Variants in CTNNA2 observed in about 807,000 individuals in gnomAD.
CTNNA2 encodes catenin alpha-2.
Under a neutral mutation model 101.0 loss-of-function variants are expected in CTNNA2, and 42 were observed. The ratio of observed to expected loss-of-function variants is 0.42; its 90% CI spans 0.32 to 0.54. CTNNA2 has a LOEUF of 0.54. Among genes scored for constraint, CTNNA2 ranks in the 20% least tolerant of loss-of-function variants. The pLI, the probability that CTNNA2 is intolerant of heterozygous loss-of-function variation, is 0.14. For synonymous variants in CTNNA2, 450 were observed against 456.4 expected (o/e 0.99, Z 0.18); for missense variants, 871 against 1,223.1 (o/e 0.71, Z 4.29).
intron 4 of CTNNA2, among the ~76,000 whole-genome samples, chr2:79,464,458 C>A (rs1670912440): frequency 6.6e-6 from 1 of 152,174 alleles, no homozygotes; most frequent in Non-Finnish European, 1.5e-5. Context: ...GGGCATGTAT[C>A]TTTATAGCAG....
At chr2:79,516,472 G>A (rs1671813727) in intron 1 of CTNNA2, among the ~76,000 whole-genome samples, 5 of 152,280 alleles carry the variant, frequency 3.3e-5, no homozygotes, top group Admixed American at 3.3e-4. Flanking sequence ...CAAAAGCAGA[G>A]AGGGAGGAAA....
intron 9 of CTNNA2, among the ~76,000 whole-genome samples, chr2:80,486,496 T>C (rs996739121): frequency 5.9e-5 from 9 of 152,162 alleles, no homozygotes; most frequent in African/African-American, 2.2e-4. Context: ...AAAAATTCAA[T>C]AATGAGAAAA....
intron 4 of CTNNA2, among the ~76,000 whole-genome samples, chr2:79,398,079 T>C (rs1678251611): frequency 6.6e-6 from 1 of 152,158 alleles, no homozygotes; most frequent in Non-Finnish European, 1.5e-5. Flanking sequence ...CAGTCTTTTA[T>C]CCCAATTAAT....
chr2:80,069,294 C>G (rs528037902), intron 7 of CTNNA2, among the ~76,000 whole-genome samples: 1 of 152,248 alleles, frequency 6.6e-6, no homozygotes, highest in African/African-American at 2.4e-5. Context: ...CTAATCTATT[C>G]CGGAACACCG....
chr2:80,189,060 C>T (rs1573342150), intron 7 of CTNNA2, among the ~76,000 whole-genome samples: 1 of 147,206 alleles, frequency 6.8e-6, no homozygotes, highest in South Asian at 2.2e-4. Flanking sequence ...TTAAGCACTT[C>T]TCCTGCCTCA....
chr2:79,520,681 C>T (rs1042334322), intron 1 of CTNNA2, among the ~76,000 whole-genome samples: 31 of 152,096 alleles, frequency 2.0e-4, no homozygotes, highest in African/African-American at 7.5e-4. Flanking sequence ...AAAATATGTG[C>T]TGAGATATTT....
intron 6 of CTNNA2, among the ~76,000 whole-genome samples, chr2:79,903,140 T>C (rs1220603757): frequency 6.6e-6 from 1 of 152,210 alleles, no homozygotes; most frequent in African/African-American, 2.4e-5. Flanking sequence ...TTATTGGTGT[T>C]GTTAGTGTTA....
chr2:80,050,105 A>C (rs1240712709), intron 7 of CTNNA2, among the ~76,000 whole-genome samples: 1 of 152,102 alleles, frequency 6.6e-6, no homozygotes, highest in Non-Finnish European at 1.5e-5. Context: ...GATGCTGCCC[A>C]TTCGAGTTAC....
intron 1 of CTNNA2, among the ~76,000 whole-genome samples, chr2:79,616,475 C>G (rs1308656347): frequency 3.9e-5 from 6 of 152,080 alleles, no homozygotes. Flanking sequence ...CTTATCACAG[C>G]AAGCATATAT....
At position 79,228,689 on chromosome 2, in the gene CTNNA2, T is replaced by G. The variant is rs183298106; in HGVS notation, c.-406+30613T>G. ...CATAGTTTGCAAATATTTTCTCCCA[T>G]TCTGCAGGCTGTCTGTTTACTCTGT... On this transcript the variant is annotated intron_variant, in intron 2 of 21. Coordinates refer to the CTNNA2 transcript ENST00000466387. Among the ~76,000 whole-genome samples the G allele has an allele frequency of 3.3e-5, 5 of 152,316 alleles. No homozygotes were observed. In the East Asian group the frequency reaches 9.6e-4, roughly 29 times the overall value.
intron 9 of CTNNA2, among the ~76,000 whole-genome samples, chr2:80,518,558 G>A (rs1689279857): frequency 6.6e-6 from 1 of 152,126 alleles, no homozygotes; most frequent in South Asian, 2.1e-4. Context: ...TCTGCTTCCT[G>A]GTTGCCTGTG....
At chr2:80,430,528 A>G (rs190550941) in intron 9 of CTNNA2, among the ~76,000 whole-genome samples, 1 of 152,292 alleles carries the variant, frequency 6.6e-6, no homozygotes, top group Admixed American at 6.5e-5. Context: ...CTCTACCTGT[A>G]TAGATTCATA....
intron 7 of CTNNA2, among the ~76,000 whole-genome samples, chr2:80,353,771 A>G (rs1673529652): frequency 1.3e-5 from 2 of 152,036 alleles, no homozygotes; most frequent in Non-Finnish European, 2.9e-5. Flanking sequence ...TGCTTTATAA[A>G]CTCTAATGGC....
chr2:80,141,855 A>ATAT (rs1703029892), intron 7 of CTNNA2, among the ~76,000 whole-genome samples: 1 of 143,486 alleles, frequency 7.0e-6, no homozygotes, highest in African/African-American at 2.6e-5. Context: ...TAAAGATAGC[A>ATAT]TTTTTTTTTT....
intron 7 of CTNNA2, among the ~76,000 whole-genome samples, chr2:80,381,989 A>C (rs1454819712): frequency 1.3e-5 from 2 of 152,190 alleles, no homozygotes; most frequent in Admixed American, 1.3e-4. Flanking sequence ...TTTGGCTCCT[A>C]GAAATTTCCA....
chr2:80,250,932 T>G (rs1490320217), intron 7 of CTNNA2, among the ~76,000 whole-genome samples: 3 of 152,164 alleles, frequency 2.0e-5, no homozygotes, highest in Non-Finnish European at 4.4e-5. Context: ...AGACACCCAA[T>G]ACAAATACTT....
chr2:80,251,751 C>T (rs1485689871), intron 7 of CTNNA2, among the ~76,000 whole-genome samples: 4 of 152,116 alleles, frequency 2.6e-5, no homozygotes, highest in Admixed American at 6.6e-5. Flanking sequence ...CTGCTTTGGG[C>T]CCCATATTAA....
intron 4 of CTNNA2, among the ~76,000 whole-genome samples, chr2:79,378,534 C>G (rs1678004031): frequency 1.3e-5 from 2 of 152,134 alleles, no homozygotes; most frequent in African/African-American, 4.8e-5. Context: ...TAGTACCTAA[C>G]AACATGGAAA....
At chr2:79,952,510 T>TC (rs1688956884) in intron 7 of CTNNA2, among the ~76,000 whole-genome samples, 2 of 152,246 alleles carry the variant, frequency 1.3e-5, no homozygotes, top group South Asian at 4.1e-4. Context: ...TTTCATGTCA[T>TC]ATAAATTACA....
Sources: allele counts gnomAD v4.1 joint callset (sites outside exome capture counted in the v4.1 genomes callset), GRCh38; gene constraint gnomAD v4.1.1; transcripts MANE v1.5; gene names NCBI Gene and HGNC (gene_info 2026-07-23, HGNC 2026-07-21).